The following ADGRL2 variants were observed in gnomAD, a reference collection of about 807,000 sequenced individuals.
The protein encoded by ADGRL2 is calcium-independent alpha-latrotoxin receptor 2.
In ADGRL2, 44 loss-of-function variants were observed where a neutral mutation model predicts 157.4. The observed-to-expected ratio is 0.28, with a 90% CI of 0.22 to 0.36. The LOEUF (loss-of-function observed/expected upper bound fraction) is 0.36, where lower values mean the gene tolerates loss of function less well. ADGRL2 is among the 10% of genes least tolerant of loss of function. The pLI, the probability that ADGRL2 is intolerant of heterozygous loss-of-function variation, is 1.00. For missense variants in ADGRL2, 1,510 were observed against 1,768.9 expected, an observed-to-expected ratio of 0.85 and a Z score of 2.63; for synonymous variants, 585 against 624.7, an observed-to-expected ratio of 0.94 and a Z score of 0.95.
chr1:81,532,039 G>T (rs529081076), intron 2 of ADGRL2, among the ~76,000 whole-genome samples: 1 of 151,966 alleles, frequency 6.6e-6, no homozygotes, highest in African/African-American at 2.4e-5. Flanking sequence ...AACTAAATTC[G>T]AATTTTAGTC....
chr1:81,962,412 A>G (rs969647026), intron 11 of ADGRL2, among the ~76,000 whole-genome samples: 1 of 152,132 alleles, frequency 6.6e-6, no homozygotes, highest in South Asian at 2.1e-4. Context: ...AAGATTATAT[A>G]GTTTACAGAT....
chr1:81,344,106 GT>G (rs1374062550), intron 1 of ADGRL2, among the ~76,000 whole-genome samples: 1 of 152,070 alleles, frequency 6.6e-6, no homozygotes, highest in Non-Finnish European at 1.5e-5. Flanking sequence ...GTCTCCCTCT[GT>G]TTCCCGGCCA....
rs118158014 is a variant in ADGRL2 at position 81,488,592 on chromosome 1, C to T, written c.-248+43503C>T. On this transcript the variant is annotated intron_variant, in intron 2 of 24. Coordinates refer to the ADGRL2 transcript ENST00000370721. ...GATATGGTGGCACACACCTGTAGTC[C>T]AGCTACCTGGGAGGCTGAGGTGAGA... Among the ~76,000 whole-genome samples, 779 of 151,390 alleles carry T rather than the reference C, an allele frequency of 5.1e-3. 16 individuals are homozygous for T. The East Asian group carries it at 0.057, about 11-fold the overall frequency.
chr1:81,721,680 C>A, intron 1 of ADGRL2: 2 of 1,211,882 alleles, frequency 1.7e-6, no homozygotes, highest in South Asian at 1.2e-5. Context: ...GCTTCGCCCA[C>A]TGCTTCCTGA....
chr1:81,753,902 C>G, intron 1 of ADGRL2, among the ~76,000 whole-genome samples: 1 of 152,104 alleles, frequency 6.6e-6, no homozygotes, highest in East Asian at 1.9e-4. Flanking sequence ...TTAAAGGAGA[C>G]CATCTTTTGA....
At chr1:81,453,014 C>T (rs906626991) in intron 2 of ADGRL2, among the ~76,000 whole-genome samples, 15 of 152,294 alleles carry the variant, frequency 9.8e-5, no homozygotes, top group Middle Eastern at 3.4e-3. Context: ...AAACTAATTC[C>T]CCTTGTTTTA....
At chr1:81,942,786 C>G (rs1295318796) in intron 5 of ADGRL2, 183 bp from the exon 6 acceptor site, 1 of 660,732 alleles carries the variant, frequency 1.5e-6, no homozygotes, top group Admixed American at 2.2e-5. Context: ...TTACTTTGTA[C>G]CCTGATACAC....
intron 1 of ADGRL2, among the ~76,000 whole-genome samples, chr1:81,391,039 G>A (rs983523076): frequency 2.0e-5 from 3 of 152,290 alleles, no homozygotes; most frequent in Non-Finnish European, 2.9e-5. Context: ...CACTAAAACC[G>A]TTTGGTAACT....
chr1:81,356,691 C>T (rs543771629), intron 1 of ADGRL2, among the ~76,000 whole-genome samples: 8 of 152,148 alleles, frequency 5.3e-5, no homozygotes, highest in South Asian at 2.1e-4. Flanking sequence ...CAATGGCTCA[C>T]GCCTGTAATC....
At chr1:81,647,407 GC>G (rs1159275502) in intron 3 of ADGRL2, among the ~76,000 whole-genome samples, 1 of 152,072 alleles carries the variant, frequency 6.6e-6, no homozygotes, top group Non-Finnish European at 1.5e-5. Flanking sequence ...AACTTTTTGA[GC>G]CCCAACATAT....
At chr1:81,531,626 G>A (rs974380213) in intron 2 of ADGRL2, among the ~76,000 whole-genome samples, 4 of 152,170 alleles carry the variant, frequency 2.6e-5, no homozygotes, top group African/African-American at 7.2e-5. Flanking sequence ...CACTCTTACA[G>A]GAGGAACTTT....
chr1:81,511,706 G>C (rs959857078), intron 2 of ADGRL2, among the ~76,000 whole-genome samples: 1 of 152,006 alleles, frequency 6.6e-6, no homozygotes, highest in Non-Finnish European at 1.5e-5. Flanking sequence ...TTTTAAGGCA[G>C]GGAAAGTGAG....
chr1:81,638,986 G>A (rs2082165680), intron 3 of ADGRL2, among the ~76,000 whole-genome samples: 1 of 152,200 alleles, frequency 6.6e-6, no homozygotes, highest in Non-Finnish European at 1.5e-5. Flanking sequence ...TTGGGTGGCA[G>A]TGAGACCCTG....
At chr1:81,725,628 A>G (rs1371248179) in intron 1 of ADGRL2, among the ~76,000 whole-genome samples, 3 of 152,172 alleles carry the variant, frequency 2.0e-5, no homozygotes, top group Non-Finnish European at 1.5e-5. Flanking sequence ...AAAATTGCCA[A>G]CGTGTACTTG....
chr1:81,352,070 C>T (rs1324892716), intron 1 of ADGRL2, among the ~76,000 whole-genome samples: 2 of 152,200 alleles, frequency 1.3e-5, no homozygotes, highest in Non-Finnish European at 2.9e-5. Flanking sequence ...ATAGGTTGCA[C>T]AGACAAAGGA....
intron 3 of ADGRL2, among the ~76,000 whole-genome samples, chr1:81,929,083 A>G (rs909102756): frequency 1.3e-5 from 2 of 152,178 alleles, no homozygotes; most frequent in African/African-American, 4.8e-5. Flanking sequence ...TTAATTTTTT[A>G]GTTTCTGTCA....
upstream of ADGRL2, among the ~76,000 whole-genome samples, chr1:81,697,968 T>C (rs554733536): frequency 9.2e-5 from 14 of 152,294 alleles, no homozygotes; most frequent in Admixed American, 6.5e-5. Flanking sequence ...CAGTTCTGAC[T>C]GCCACATTTA....
At chr1:81,986,611 TTTTG>T (rs768160128) in intron 21 of ADGRL2, among the ~76,000 whole-genome samples, 2 of 152,106 alleles carry the variant, frequency 1.3e-5, no homozygotes, top group Non-Finnish European at 2.9e-5. Flanking sequence ...TAATTGCCAT[TTTTG>T]TTTAACAGTG....
At chr1:81,538,182 T>C (rs2079792111) in intron 2 of ADGRL2, among the ~76,000 whole-genome samples, 2 of 152,176 alleles carry the variant, frequency 1.3e-5, no homozygotes, top group Non-Finnish European at 2.9e-5. Context: ...CCAACTATAT[T>C]AGATAGGAAT....
Sources: allele counts gnomAD v4.1 joint callset (sites outside exome capture counted in the v4.1 genomes callset), GRCh38; gene constraint gnomAD v4.1.1; transcripts MANE v1.5; gene names NCBI Gene and HGNC (gene_info 2026-07-23, HGNC 2026-07-21).